Variants in MTUS2 observed in about 807,000 individuals in gnomAD.
The protein encoded by MTUS2 is microtubule associated scaffold protein 2, also known as microtubule-associated tumor suppressor candidate 2.
Under a neutral mutation model 114.1 loss-of-function variants are expected in MTUS2, and 40 were observed. That is an observed-to-expected ratio of 0.35 (90% confidence interval 0.27 to 0.46). The LOEUF is 0.46. MTUS2 is among the 20% of genes least tolerant of loss of function. The probability of loss-of-function intolerance (pLI) is 1.00; values close to 1 mark genes in which losing one functional copy is unlikely to be tolerated. For missense variants in MTUS2, 1,679 were observed against 1,705.4 expected, an observed-to-expected ratio of 0.98 and a Z score of 0.27; for synonymous variants, 688 against 672.0, an observed-to-expected ratio of 1.02 and a Z score of -0.37.
chr13:29,037,002 C>A (rs1377534322), intron 4 of MTUS2, among the ~76,000 whole-genome samples: 1 of 152,036 alleles, frequency 6.6e-6, no homozygotes, highest in African/African-American at 2.4e-5. Flanking sequence ...GTGTTTACCC[C>A]GTTTACATAT....
At chr13:28,921,562 G>A (rs1362674764) in intron 2 of MTUS2, among the ~76,000 whole-genome samples, 1 of 152,124 alleles carries the variant, frequency 6.6e-6, no homozygotes, top group Non-Finnish European at 1.5e-5. Flanking sequence ...TGCCACCCTA[G>A]TCTACTGTCT....
intron 6 of MTUS2, among the ~76,000 whole-genome samples, chr13:29,314,006 G>T (rs1004314003): frequency 6.6e-6 from 1 of 151,976 alleles, no homozygotes; most frequent in Non-Finnish European, 1.5e-5. Context: ...GAAGCTGTCA[G>T]GTAATTTACC....
At chr13:28,825,043 C>T (rs1874169700) in intron 1 of MTUS2, among the ~76,000 whole-genome samples, 1 of 152,156 alleles carries the variant, frequency 6.6e-6, no homozygotes, top group Non-Finnish European at 1.5e-5. Context: ...CAGCTGCAGG[C>T]CGCAGTGGGG....
intron 2 of MTUS2, among the ~76,000 whole-genome samples, chr13:28,865,091 CTG>C (rs772893227): frequency 1.3e-5 from 2 of 151,880 alleles, no homozygotes; most frequent in African/African-American, 2.4e-5. Context: ...ATGTGTGTGT[CTG>C]TATGTATGTG....
intron 11 of MTUS2, among the ~76,000 whole-genome samples, chr13:29,488,437 CTTTTTTTTT>C (rs35983023): frequency 1.8e-5 from 2 of 113,786 alleles, no homozygotes; most frequent in Admixed American, 9.8e-5. Context: ...TTTTTTTCCT[CTTTTTTTTT>C]TTTTTTTTTT....
At chr13:28,855,902 C>T (rs758954721) in intron 2 of MTUS2, among the ~76,000 whole-genome samples, 10 of 152,156 alleles carry the variant, frequency 6.6e-5, no homozygotes, top group Non-Finnish European at 1.0e-4. Flanking sequence ...AGTGTAAAAG[C>T]GTTCCTATTT....
chr13:28,902,701 T>A (rs949424132), intron 2 of MTUS2, among the ~76,000 whole-genome samples: 2 of 152,202 alleles, frequency 1.3e-5, no homozygotes, highest in African/African-American at 4.8e-5. Flanking sequence ...TTTTATACAC[T>A]GTTTGACTCA....
At chr13:29,346,070 G>A (rs558377145) in intron 7 of MTUS2, among the ~76,000 whole-genome samples, 2 of 152,312 alleles carry the variant, frequency 1.3e-5, no homozygotes, top group South Asian at 4.1e-4. Context: ...GCAGGGGAGT[G>A]AAATGGACTC....
chr13:29,175,255 CTTT>C, intron 5 of MTUS2, among the ~76,000 whole-genome samples: 1 of 152,068 alleles, frequency 6.6e-6, no homozygotes, highest in Non-Finnish European at 1.5e-5. Flanking sequence ...GAATATGCCT[CTTT>C]TGTAATGCAA....
chr13:29,092,895 A>G (rs1168847501), intron 4 of MTUS2, among the ~76,000 whole-genome samples: 1 of 152,230 alleles, frequency 6.6e-6, no homozygotes, highest in African/African-American at 2.4e-5. Context: ...GCTTGAGAGC[A>G]CAAGGAAAGA....
chr13:29,091,393 T>C lies in MTUS2; in HGVS notation c.2447-9380T>C, dbSNP rs718862. On this transcript the variant is annotated intron_variant, in intron 4 of 15. Transcript: ENST00000612955. ...GCTTGAGGGTCAGGATTTTTGTGGC[T>C]ACAGAGGTCTAGGCAACAGCAACTA... Among the ~76,000 whole-genome samples, 1,157 of 152,282 alleles carry C rather than the reference T, an allele frequency of 7.6e-3. 52 individuals are homozygous for C. The highest frequency in any genetic ancestry group is 0.07 in the Admixed American group (1,065 of 15,298).
At chr13:29,240,765 A>G (rs891098280) in intron 5 of MTUS2, among the ~76,000 whole-genome samples, 3 of 152,134 alleles carry the variant, frequency 2.0e-5, no homozygotes, top group African/African-American at 7.2e-5. Flanking sequence ...TGCAGTTTTT[A>G]CATTTCTTAT....
intron 2 of MTUS2, among the ~76,000 whole-genome samples, chr13:29,001,600 A>G (rs969128083): frequency 6.6e-6 from 1 of 152,162 alleles, no homozygotes; most frequent in Non-Finnish European, 1.5e-5. Flanking sequence ...GCTTTGTGCA[A>G]GTTAAGCTTG....
intron 1 of MTUS2, among the ~76,000 whole-genome samples, chr13:28,821,482 A>T (rs1443293488): frequency 6.6e-6 from 1 of 152,220 alleles, no homozygotes; most frequent in Non-Finnish European, 1.5e-5. Context: ...GTTGCCAGTT[A>T]TTAAAGATGT....
intron 5 of MTUS2, among the ~76,000 whole-genome samples, chr13:29,251,356 A>G (rs979372421): frequency 1.3e-5 from 2 of 151,894 alleles, no homozygotes; most frequent in African/African-American, 4.8e-5. Context: ...AGGTTTTTAA[A>G]CCATTTTTAA....
At chr13:28,876,692 G>A (rs1877953241) in intron 2 of MTUS2, among the ~76,000 whole-genome samples, 1 of 152,132 alleles carries the variant, frequency 6.6e-6, no homozygotes, top group Admixed American at 6.6e-5. Flanking sequence ...ATTACCCTTG[G>A]ATCGGTCAGA....
chr13:28,895,037 A>G (rs1879183154), intron 2 of MTUS2, among the ~76,000 whole-genome samples: 3 of 152,258 alleles, frequency 2.0e-5, no homozygotes, highest in Admixed American at 2.0e-4. Context: ...CTCGAAATCC[A>G]TCTGTCAGTT....
chr13:29,133,617 C>T (rs1291702372), intron 5 of MTUS2, among the ~76,000 whole-genome samples: 1 of 152,174 alleles, frequency 6.6e-6, no homozygotes, highest in African/African-American at 2.4e-5. Context: ...TTTCCCTCCC[C>T]CCATTGAATA....
At chr13:28,938,104 G>A (rs1882010960) in intron 2 of MTUS2, among the ~76,000 whole-genome samples, 1 of 152,132 alleles carries the variant, frequency 6.6e-6, no homozygotes, top group Admixed American at 6.5e-5. Context: ...AAATGTCTTG[G>A]CCGGGTGCGG....
Sources: allele counts gnomAD v4.1 joint callset (sites outside exome capture counted in the v4.1 genomes callset), GRCh38; gene constraint gnomAD v4.1.1; transcripts MANE v1.5; gene names NCBI Gene and HGNC (gene_info 2026-07-23, HGNC 2026-07-21).